Variants in SPTBN2 observed in about 807,000 individuals in gnomAD.
SPTBN2 encodes spectrin beta, non-erythrocytic 2, also known as spectrin beta chain, non-erythrocytic 2.
SPTBN2 carries 107 observed loss-of-function variants against 284.2 expected under a neutral mutation model. That is an observed-to-expected ratio of 0.38 (90% confidence interval 0.32 to 0.44). The LOEUF is 0.44. Among genes scored for constraint, SPTBN2 ranks in the 20% least tolerant of loss-of-function variants. The probability of loss-of-function intolerance (pLI) is 1.00; values close to 1 mark genes in which losing one functional copy is unlikely to be tolerated. For missense variants in SPTBN2, 2,569 were observed against 3,287.1 expected, an observed-to-expected ratio of 0.78 and a Z score of 5.34; for synonymous variants, 1,289 against 1,354.8, an observed-to-expected ratio of 0.95 and a Z score of 1.07.
At chr11:66,726,728 G>C (rs1271091911) in intron 1 of SPTBN2, among the ~76,000 whole-genome samples, 2 of 152,252 alleles carry the variant, frequency 1.3e-5, no homozygotes, top group African/African-American at 2.4e-5. Flanking sequence ...GGCAGAGCTA[G>C]AGAAGTCACG....
rs201194029 is a variant in SPTBN2 at position 66,700,820 on chromosome 11, C to T, written c.3279G>A (p.Gly1093=). The T allele has an allele frequency of 3.4e-5, 54 of 1,600,330 alleles. No homozygotes were observed. The highest frequency in any genetic ancestry group is 4.3e-5 in the Non-Finnish European group (51 of 1,179,778). The change falls in exon 17 of 38, where the codon GGG becomes GGA. Residue 1093 remains glycine, a synonymous_variant. Coordinates refer to ENST00000533211, the MANE Select transcript of SPTBN2 (RefSeq NM_006946.4). This position sits in a 1 kb window ranked among gnomAD's most constrained non-coding sequence, Gnocchi z 6.6. The part of the protein sequence containing the change: ...RTQTAVASEE[G]PATLPEAEAL... Reference sequence around the variant, plus strand: ...CCTCTGCCTCAGGCAGGGTGGCCGGCCCTTCTTCAGAGGCCACAGCAGTCT... The same window carrying T: ...CCTCTGCCTCAGGCAGGGTGGCCGGTCCTTCTTCAGAGGCCACAGCAGTCT...
chr11:66,709,102 G>C, intron 10 of SPTBN2, 83 bp from the exon 11 acceptor site: 4 of 1,143,902 alleles, frequency 3.5e-6, no homozygotes, highest in Non-Finnish European at 5.3e-6. Context: ...TGGGTGTCCT[G>C]TGTTGCTTTT....
chr11:66,708,890 G>C lies in SPTBN2; in HGVS notation c.1191+12C>G, dbSNP rs781222095. 1 of 1,611,178 alleles carries C rather than the reference G, an allele frequency of 6.2e-7. No homozygotes were observed. The highest frequency in any genetic ancestry group is 8.5e-7 in the Non-Finnish European group (1 of 1,177,594). On this transcript the variant is annotated intron_variant, in intron 11 of 37. Transcript: ENST00000533211. The surrounding 1 kb of genome is among the most constrained non-coding windows in gnomAD (Gnocchi z 4.4). ...TGCCCTGAGGGTGGGTGGCCTGTGG[G>C]CAGCCACGGACCTTGTTGATGTCCG... is the stretch of plus-strand genomic sequence containing the variant.
At chr11:66,722,269 A>G (rs1182271943) in intron 1 of SPTBN2, among the ~76,000 whole-genome samples, 1 of 152,016 alleles carries the variant, frequency 6.6e-6, no homozygotes, top group Non-Finnish European at 1.5e-5. Flanking sequence ...ATAGATGAGG[A>G]AGCTGCACAA....
upstream of SPTBN2, among the ~76,000 whole-genome samples, chr11:66,732,906 C>T (rs1222564359): frequency 1.3e-5 from 2 of 148,636 alleles, no homozygotes; most frequent in Non-Finnish European, 3.0e-5. Context: ...ACGGAGGCTA[C>T]AGTGAGCTGA....
intron 31 of SPTBN2, 69 bp from the exon 32 acceptor site, chr11:66,688,380 T>C: frequency 6.5e-7 from 1 of 1,545,800 alleles, no homozygotes. Context: ...CAGGGAGAGC[T>C]GAAATGTCTC....
chr11:66,701,825 A>C (rs548085672), intron 15 of SPTBN2, 104 bp from the exon 16 acceptor site: 1 of 1,534,274 alleles, frequency 6.5e-7, no homozygotes, highest in East Asian at 2.3e-5. Context: ...CTCCTTCACC[A>C]GGAGGCTTAT....
chr11:66,684,050 C>T lies in SPTBN2; in HGVS notation c.*1821G>A, dbSNP rs1319961113. 6.6e-6 allele frequency among the ~76,000 whole-genome samples: 1 copy of T among 152,214 alleles called. No individual in the cohort carries two copies. The highest frequency in any genetic ancestry group is 2.4e-5 in the African/African-American group (1 of 41,442). On this transcript the variant is annotated 3_prime_UTR_variant, in exon 38 of 38. Transcript: ENST00000533211. ...CTCTGGTCTACCGGTTTGGAGCCCA[C>T]TCTGGGGCTGTGATGTGCTAGTTCT...
Position 66,692,692 on chromosome 11 carries a change from G to C in SPTBN2, c.5034C>G (p.Gly1678=), listed in dbSNP as rs749637438. Residue 1678 remains glycine (G), a synonymous_variant, in exon 26 of 38, where the codon GGC becomes GGG. Transcript: ENST00000533211. Reference sequence around the variant, plus strand: ...GCCGCTCTCCAGCCAGCTCCTTCAGGCCGGCATACAGCTTGTCCACCTGGG... The same window carrying C: ...GCCGCTCTCCAGCCAGCTCCTTCAGCCCGGCATACAGCTTGTCCACCTGGG... ...RQAQVDKLYA[G]LKELAGERRE... 6.2e-7 allele frequency: 1 copy of C among 1,604,494 alleles called. No homozygotes were observed. The highest frequency in any genetic ancestry group is 8.5e-7 in the Non-Finnish European group (1 of 1,179,960).
At chr11:66,728,272 G>C (rs1942705629) in intron 1 of SPTBN2, 1 of 145,734 alleles carries the variant, frequency 6.9e-6, no homozygotes, top group South Asian at 2.0e-4. Flanking sequence ...GCGGCCGGGC[G>C]CACGGCGGGC....
In SPTBN2 at chr11:66,693,576, C is replaced by G. The variant is rs1036914270; in HGVS notation, c.4594-130G>C. On this transcript the variant is annotated intron_variant, in intron 23 of 37. Transcript: ENST00000533211. The surrounding 1 kb of genome is among the most constrained non-coding windows in gnomAD (Gnocchi z 5.7). Reference sequence around the variant, plus strand: ...TGCTCCCTCTCCTAGCCTGGGGGTGCGATGGTAACACCCGTCAGCCGCCCA... The same window carrying G: ...TGCTCCCTCTCCTAGCCTGGGGGTGGGATGGTAACACCCGTCAGCCGCCCA... 1 of 1,452,888 alleles carries G rather than the reference C, an allele frequency of 6.9e-7. No individual in the cohort carries two copies. Among genetic ancestry groups the G allele is most frequent in the Non-Finnish European group, 9.3e-7 (1 of 1,074,582 alleles). The allele number at this position is 1,452,888 out of a possible 1,614,324, so 90.0% of individuals were successfully genotyped here. A position where few individuals can be genotyped will look rare whatever the true frequency, so the allele number is the denominator to read the frequency against.
At position 66,715,565 on chromosome 11, in the gene SPTBN2, G is replaced by A. The variant is rs976695670; in HGVS notation, c.310-170C>T. Among the ~76,000 whole-genome samples the A allele has an allele frequency of 6.6e-6, 1 of 152,242 alleles. No homozygotes were observed. Among genetic ancestry groups the A allele is most frequent in the Non-Finnish European group, 1.5e-5 (1 of 68,048 alleles). On this transcript the variant is annotated intron_variant, in intron 4 of 37. Coordinates refer to ENST00000533211, the MANE Select transcript of SPTBN2 (RefSeq NM_006946.4). This position sits in a 1 kb window ranked among gnomAD's most constrained non-coding sequence, Gnocchi z 5.3. ...TGAGCTTACAGATGAGGCTTGGGCA[G>A]ATTAAGATTCCCAAGGGAATTAATT...
chr11:66,732,734 G>GA (rs1942822470), upstream of SPTBN2, among the ~76,000 whole-genome samples: 1 of 151,584 alleles, frequency 6.6e-6, no homozygotes, highest in Non-Finnish European at 1.5e-5. Context: ...GGGAGGCTGA[G>GA]GCAGGTGGAT....
chr11:66,692,754 G>A lies in SPTBN2; in HGVS notation c.4986-14C>T, dbSNP rs1384498106. On this transcript the variant is annotated splice_polypyrimidine_tract_variant and intron_variant, in intron 25 of 37. Coordinates refer to ENST00000533211, the MANE Select transcript of SPTBN2 (RefSeq NM_006946.4). ...GATATCCGAGTGCTGCAAGAAGAGTGAGGGAGGCACTGTGGGACTTAGGGG... is the reference window on the plus strand; with the variant it reads ...GATATCCGAGTGCTGCAAGAAGAGTAAGGGAGGCACTGTGGGACTTAGGGG... 1 of 1,600,524 alleles carries A rather than the reference G, an allele frequency of 6.2e-7. No homozygotes were observed. The highest frequency in any genetic ancestry group is 2.2e-5 in the East Asian group (1 of 44,870).
At chr11:66,711,082 G>A in intron 8 of SPTBN2, 53 bp from the exon 9 acceptor site, 1 of 1,474,598 alleles carries the variant, frequency 6.8e-7, no homozygotes, top group Admixed American at 1.7e-5. Flanking sequence ...TCCATAACTT[G>A]CATCACTTAC....
rs1941703677 is a variant in SPTBN2, at chr11:66,708,815, C to T, written c.1191+87G>A. 3 of 1,105,372 alleles carry T rather than the reference C, an allele frequency of 2.7e-6. No individual in the cohort carries two copies. In the African/African-American group the frequency reaches 4.6e-5, roughly 17 times the overall value. The allele number at this position is 1,105,372 out of a possible 1,614,324, so 68.5% of individuals were successfully genotyped here. On this transcript the variant is annotated intron_variant, in intron 11 of 37. Coordinates refer to ENST00000533211, the MANE Select transcript of SPTBN2 (RefSeq NM_006946.4). The surrounding 1 kb of genome is among the most constrained non-coding windows in gnomAD (Gnocchi z 4.4). ...GCAGATAGTAGAACTTGGTGAAGGT[C>T]GACATGGCCCCGGGTTTGGGGATGT...
intron 29 of SPTBN2, 99 bp from the exon 30 acceptor site, chr11:66,689,279 CTT>C: frequency 7.5e-7 from 1 of 1,334,894 alleles, no homozygotes; most frequent in East Asian, 2.5e-5. Context: ...TTCTTTCTTT[CTT>C]TCTTTTTTTT....
Position 66,718,048 on chromosome 11 carries a change from G to A in SPTBN2, c.158-2067C>T, listed in dbSNP as rs1328490298. On this transcript the variant is annotated intron_variant, in intron 3 of 37. Transcript: ENST00000533211. The surrounding 1 kb of genome is among the most constrained non-coding windows in gnomAD (Gnocchi z 4.8). ...GTCCCTGGGCCTGGCTCACCCCTCC[G>A]CCTCCCCTAACTGTCCTGGCCAGCG... Among the ~76,000 whole-genome samples, 2 of 151,962 alleles carry A rather than the reference G, an allele frequency of 1.3e-5. No homozygotes were observed. The highest frequency in any genetic ancestry group is 2.9e-5 in the Non-Finnish European group (2 of 67,964).
chr11:66,705,139 G>A lies in SPTBN2; in HGVS notation c.2137C>T (p.Pro713Ser). 1 of 1,539,258 alleles carries A rather than the reference G, an allele frequency of 6.5e-7. No individual in the cohort carries two copies. The highest frequency in any genetic ancestry group is 8.7e-7 in the Non-Finnish European group (1 of 1,145,204). Residue 713 changes from proline (P) to serine (S), a missense_variant, in exon 15 of 38, where the codon CCT (proline) becomes TCT (serine). Pro to Ser is a moderately conservative substitution (Grantham distance 74, BLOSUM62 -1). Transcript: ENST00000533211. ...CGGGCAGAGGCCTGGCTTGCCCCAG[G>A]GTGACCCTCGGCCACCAACTGCTGG... ...QGQQLVAEGH[P>S]GASQASARAA...
Sources: allele counts gnomAD v4.1 joint callset (sites outside exome capture counted in the v4.1 genomes callset), GRCh38; gene constraint gnomAD v4.1.1; non-coding constraint Gnocchi (gnomAD v3.1); transcripts MANE v1.5; gene names NCBI Gene and HGNC (gene_info 2026-07-23, HGNC 2026-07-21).